MYH9: variants seen among roughly 807,000 people sequenced by gnomAD.
The protein encoded by MYH9 is myosin heavy chain 9, also known as myosin-9.
A neutral mutation model predicts 241.9 loss-of-function variants in MYH9; 29 were observed. The observed-to-expected ratio is 0.12, with a 90% CI of 0.09 to 0.16. MYH9 has a LOEUF of 0.16. Among genes scored for constraint, MYH9 ranks in the 10% least tolerant of loss-of-function variants. The probability of loss-of-function intolerance (pLI) is 1.00; values close to 1 mark genes in which losing one functional copy is unlikely to be tolerated. For synonymous variants in MYH9, 1,047 were observed against 1,062.6 expected (o/e 0.99, Z 0.29); for missense variants, 1,803 against 2,595.5 (o/e 0.69, Z 6.63).
intron 1 of MYH9, among the ~76,000 whole-genome samples, chr22:36,354,956 A>AACACAC (rs136203): frequency 0.1 from 12,562 of 123,584 alleles, 970 homozygotes; most frequent in East Asian, 0.33. Flanking sequence ...CAAAAAACAA[A>AACACAC]ACACACACAC....
At chr22:36,294,648 TG>T (rs1255905999) in intron 27 of MYH9, among the ~76,000 whole-genome samples, 1 of 152,254 alleles carries the variant, frequency 6.6e-6, no homozygotes, top group Non-Finnish European at 1.5e-5. Flanking sequence ...GAACTATAAT[TG>T]TTTGCAGTTA....
chr22:36,360,916 C>T (rs548800935), intron 1 of MYH9, among the ~76,000 whole-genome samples: 10 of 152,262 alleles, frequency 6.6e-5, no homozygotes, highest in South Asian at 4.1e-4. Flanking sequence ...ACCCAGGCCT[C>T]GGCTTTCCCA....
At chr22:36,319,911 T>G (rs1462756377) in intron 9 of MYH9, 1 of 609,758 alleles carries the variant, frequency 1.6e-6, no homozygotes, top group Admixed American at 2.8e-5. Flanking sequence ...CCCCAGCTTC[T>G]TCCACACTCC....
At chr22:36,340,388 C>T (rs1037835132) in intron 3 of MYH9, among the ~76,000 whole-genome samples, 7 of 151,830 alleles carry the variant, frequency 4.6e-5, no homozygotes, top group South Asian at 2.1e-4. Context: ...TGGCCAGGCA[C>T]GGTGGCTCAC....
At position 36,296,928 on chromosome 22, in the gene MYH9, G is replaced by C. The variant is rs756383298; in HGVS notation, c.3187C>G (p.Gln1063Glu). 3 of 1,614,058 alleles carry C rather than the reference G, an allele frequency of 1.9e-6. No individual in the cohort carries two copies. Among genetic ancestry groups the C allele is most frequent in the Non-Finnish European group, 2.5e-6 (3 of 1,179,984 alleles). ...LEGDSTDLSD[Q>E]IAELQAQIAE... ...ATCTGGGCCTGGAGCTCGGCGATCT[G>C]GTCGCTGAGGTCTGTGGAGTCTCCC... The change falls in exon 25 of 41, where the codon CAG becomes GAG. Residue 1063 changes from glutamine (Q) to glutamate (E), a missense_variant. Coordinates refer to ENST00000216181, the MANE Select transcript of MYH9 (RefSeq NM_002473.6).
At chr22:36,347,059 A>G (rs2017688125) in intron 2 of MYH9, among the ~76,000 whole-genome samples, 1 of 152,186 alleles carries the variant, frequency 6.6e-6, no homozygotes, top group African/African-American at 2.4e-5. Context: ...CCCACTGGGG[A>G]CAAAACCAGA....
chr22:36,317,049 G>A (rs185224082), intron 11 of MYH9, among the ~76,000 whole-genome samples: 48 of 139,050 alleles, frequency 3.5e-4, no homozygotes, highest in African/African-American at 7.8e-4. Context: ...CCCTAAACGC[G>A]CCCAATCTCA....
intron 2 of MYH9, 67 bp downstream of exon 2, chr22:36,348,837 A>AACCCCCCCCCCC: frequency 1.9e-5 from 10 of 539,132 alleles, no homozygotes; most frequent in East Asian, 1.6e-4. Flanking sequence ...TGATGGGAAG[A>AACCCCCCCCCCC]CCCGCCCCCC....
intron 1 of MYH9, among the ~76,000 whole-genome samples, chr22:36,363,804 T>A (rs1222244765): frequency 6.6e-6 from 1 of 152,034 alleles, no homozygotes; most frequent in Non-Finnish European, 1.5e-5. Flanking sequence ...AGGGGAAGGG[T>A]TTGGTTGGGT....
chr22:36,302,533 G>A, intron 20 of MYH9, 35 bp downstream of exon 20: 1 of 1,544,786 alleles, frequency 6.5e-7, no homozygotes, highest in Non-Finnish European at 8.9e-7. Flanking sequence ...TGCACCCGTA[G>A]TCCCAGCTAC....
intron 23 of MYH9, among the ~76,000 whole-genome samples, 195 bp from the exon 24 acceptor site, chr22:36,299,237 C>T (rs2016836724): frequency 6.6e-6 from 1 of 152,030 alleles, no homozygotes; most frequent in Admixed American, 6.5e-5. Flanking sequence ...GCGAGGTACG[C>T]TTCCTTAGAA....
At chr22:36,348,607 G>A (rs1603484038) in intron 2 of MYH9, among the ~76,000 whole-genome samples, 2 of 151,884 alleles carry the variant, frequency 1.3e-5, no homozygotes, top group South Asian at 2.1e-4. Flanking sequence ...ACTTGAGAAC[G>A]AAGGCCAGTG....
In MYH9 at chr22:36,306,316, T is replaced by TG; in HGVS notation, c.2037+97dup. ...AAACGACTGAAGGCTCTGTGCATGC[T>TG]GGGGGGCTGGAGGGGTGCTTTTGCT... On this transcript the variant is annotated intron_variant, in intron 16 of 40. Coordinates refer to ENST00000216181, the MANE Select transcript of MYH9 (RefSeq NM_002473.6). The surrounding 1 kb of genome is among the most constrained non-coding windows in gnomAD (Gnocchi z 4.1). 8 of 1,491,062 alleles carry TG rather than the reference T, an allele frequency of 5.4e-6. No homozygotes were observed. Among genetic ancestry groups the TG allele is most frequent in the Non-Finnish European group, 6.4e-6 (7 of 1,088,462 alleles). 92.4% of individuals were successfully genotyped at this position (1,491,062 alleles called of 1,614,324 possible). A position where few individuals can be genotyped will look rare whatever the true frequency, so the allele number is the denominator to read the frequency against.
Position 36,330,378 on chromosome 22 carries a change from C to T in MYH9, c.491-2890G>A, listed in dbSNP as rs751617215. Among the ~76,000 whole-genome samples, 8 of 152,202 alleles carry T rather than the reference C, an allele frequency of 5.3e-5. No homozygotes were observed. Among genetic ancestry groups the T allele is most frequent in the African/African-American group, 7.2e-5 (3 of 41,440 alleles). On this transcript the variant is annotated intron_variant, in intron 3 of 40. Transcript: ENST00000216181. The surrounding 1 kb of genome is among the most constrained non-coding windows in gnomAD (Gnocchi z 4.5). ...GAATCGTACCATGGCCCCATGCAAC[C>T]GAAAAGGTCTTTCCAATGCTCAGGA...
Position 36,305,862 on chromosome 22 carries a change from G to A in MYH9, c.2159+68C>T, listed in dbSNP as rs1467465990. The A allele has an allele frequency of 2.5e-6, 4 of 1,606,940 alleles. No individual in the cohort carries two copies. The East Asian group carries it at 6.7e-5, about 27-fold the overall frequency. ...GACAGGATCCTGCCAGGGAGCAGCAGCCCACCTCTGGGACTCACTGCACGC... is the reference window on the plus strand; with the variant it reads ...GACAGGATCCTGCCAGGGAGCAGCAACCCACCTCTGGGACTCACTGCACGC... On this transcript the variant is annotated intron_variant, in intron 17 of 40. Transcript: ENST00000216181. This position sits in a 1 kb window ranked among gnomAD's most constrained non-coding sequence, Gnocchi z 4.7.
intron 31 of MYH9, among the ~76,000 whole-genome samples, chr22:36,290,714 C>G (rs565635957): frequency 6.6e-6 from 1 of 151,848 alleles, no homozygotes; most frequent in South Asian, 2.1e-4. Context: ...GCGCCTCTTC[C>G]CGGCCGCCAT....
rs876657522 is a variant in MYH9 at position 36,293,314 on chromosome 22, C to T, written c.4095+15G>A. ...CCAGCCTGCAGAGTCCGGCCGGTCC[C>T]CCAGGCCTCCAAACCTGGGCATGGA... On this transcript the variant is annotated intron_variant, in intron 30 of 40. Transcript: ENST00000216181. This position sits in a 1 kb window ranked among gnomAD's most constrained non-coding sequence, Gnocchi z 5.1. 1.2e-6 allele frequency: 2 copies of T among 1,613,492 alleles called. No homozygotes were observed. Among genetic ancestry groups the T allele is most frequent in the Non-Finnish European group, 1.7e-6 (2 of 1,179,662 alleles).
rs761638071 is a variant in MYH9 at position 36,289,155 on chromosome 22, T to G, written c.4487A>C (p.Glu1496Ala). ...CGTGCGGAACTGCTTGTTGAGCCGC[T>G]CCAGCTCCGCCTTCTGCTCCATGGC... is the stretch of plus-strand genomic sequence containing the variant. Reference protein sequence around the residue: ...EEAMEQKAELERLNKQFRTEM... With the variant: ...EEAMEQKAELARLNKQFRTEM... The change falls in exon 32 of 41, where the codon GAG becomes GCG. Residue 1496 changes from glutamate (E) to alanine (A), a missense_variant. By Grantham distance (107) the Glu-to-Ala change is moderately radical. This residue lies in a region of MYH9 where 876 missense variants were observed against 1,077.8 expected (regional missense o/e 0.81). Transcript: ENST00000216181. 1 of 1,613,958 alleles carries G rather than the reference T, an allele frequency of 6.2e-7. No individual in the cohort carries two copies.
At position 36,293,815 on chromosome 22, in the gene MYH9, A is replaced by C; in HGVS notation, c.3886T>G (p.Ser1296Ala). The C allele has an allele frequency of 5.6e-6, 9 of 1,613,882 alleles. No homozygotes were observed. Among genetic ancestry groups the C allele is most frequent in the Non-Finnish European group, 7.6e-6 (9 of 1,180,006 alleles). ...TGLLSQSDSK[S>A]SKLTKDFSAL... ...GAGAAGTCCTTGGTGAGCTTGCTGG[A>C]CTTGCTGTCGGACTGGCTGAGAAGC... The change falls in exon 29 of 41, where the codon TCC becomes GCC. Residue 1296 changes from serine (S) to alanine (A), a missense_variant. Physicochemically the swap from Ser to Ala is moderately conservative, Grantham distance 99 (BLOSUM62 1). Around this residue, in one of 11 missense-constraint regions of MYH9, gnomAD observed 876 missense variants for 1,077.8 expected, o/e 0.81. Coordinates refer to ENST00000216181, the MANE Select transcript of MYH9 (RefSeq NM_002473.6). The surrounding 1 kb of genome is among the most constrained non-coding windows in gnomAD (Gnocchi z 5.1).
Sources: gnomAD v4.1 joint callset for allele counts (sites outside exome capture counted in the v4.1 genomes callset) on GRCh38, gnomAD v4.1.1 for gene constraint, gnomAD v4.1.1 regional missense constraint, Gnocchi (gnomAD v3.1) non-coding constraint, MANE v1.5 for transcripts, NCBI Gene and HGNC (gene_info 2026-07-23, HGNC 2026-07-21) for gene names.